WDR49: variants seen among roughly 807,000 people sequenced by gnomAD.
WDR49 encodes cilia- and flagella-associated protein 337.
Under a neutral mutation model 119.5 loss-of-function variants are expected in WDR49, and 107 were observed. The observed-to-expected ratio is 0.90, with a 90% CI of 0.77 to 1.05. The LOEUF is 1.05. Among genes scored for constraint, WDR49 ranks in the 50% least tolerant of loss-of-function variants. The pLI is 0.00. For missense variants in WDR49, 1,240 were observed against 1,220.5 expected (o/e 1.02, Z -0.24); for synonymous variants, 425 against 418.8 (o/e 1.01, Z -0.18).
At chr3:167,613,456 A>G (rs889522018) in intron 5 of WDR49, among the ~76,000 whole-genome samples, 1 of 152,210 alleles carries the variant, frequency 6.6e-6, no homozygotes, top group Non-Finnish European at 1.5e-5. Flanking sequence ...ACATAGTGAC[A>G]GAACTGGCAG....
chr3:167,485,160 A>G (rs1183500141), intron 18 of WDR49, among the ~76,000 whole-genome samples: 1 of 152,100 alleles, frequency 6.6e-6, no homozygotes, highest in Middle Eastern at 3.2e-3. Context: ...ACATGGACAC[A>G]GGGTGGAGAA....
intron 18 of WDR49, among the ~76,000 whole-genome samples, chr3:167,492,693 G>A (rs761009420): frequency 2.6e-5 from 4 of 152,048 alleles, no homozygotes; most frequent in Non-Finnish European, 4.4e-5. Context: ...ATGTTTACTC[G>A]AATTGCTTAA....
intron 10 of WDR49, among the ~76,000 whole-genome samples, chr3:167,553,390 A>T (rs1207561280): frequency 6.6e-6 from 1 of 152,066 alleles, no homozygotes; most frequent in Non-Finnish European, 1.5e-5. Flanking sequence ...TGTTCCTTTA[A>T]ACCACTTTTA....
At chr3:167,630,414 C>T (rs1385505703) in intron 2 of WDR49, among the ~76,000 whole-genome samples, 1 of 152,004 alleles carries the variant, frequency 6.6e-6, no homozygotes. Context: ...CTTTTATTTG[C>T]TCTAGGAAAC....
intron 8 of WDR49, among the ~76,000 whole-genome samples, chr3:167,561,595 G>A (rs903506491): frequency 6.6e-6 from 1 of 152,150 alleles, no homozygotes; most frequent in African/African-American, 2.4e-5. Flanking sequence ...TTGCTGGAGT[G>A]GGGGATTGGG....
chr3:167,479,404 C>A (rs1006162662), intron 18 of WDR49, among the ~76,000 whole-genome samples: 2 of 151,894 alleles, frequency 1.3e-5, no homozygotes, highest in Non-Finnish European at 2.9e-5. Flanking sequence ...AATAAACAAG[C>A]GCATCTATAA....
intron 5 of WDR49, among the ~76,000 whole-genome samples, chr3:167,606,185 T>C (rs1050314206): frequency 5.9e-5 from 9 of 152,316 alleles, no homozygotes; most frequent in African/African-American, 1.2e-4. Context: ...CTAGAGAGTA[T>C]GTTAATCCAT....
intron 2 of WDR49, among the ~76,000 whole-genome samples, chr3:167,648,495 C>T (rs565825974): frequency 1.3e-5 from 2 of 152,280 alleles, no homozygotes; most frequent in East Asian, 3.9e-4. Context: ...GCAGCTAAGA[C>T]AGAACACAAA....
chr3:167,531,093 A>G (rs769160004), intron 13 of WDR49, 22 bp downstream of exon 13: 55 of 1,596,994 alleles, frequency 3.4e-5, no homozygotes, highest in Non-Finnish European at 4.2e-5. Context: ...AACTATATGT[A>G]AAATGTAAAT....
At chr3:167,614,754 T>G (rs1426419733) in intron 5 of WDR49, among the ~76,000 whole-genome samples, 1 of 152,250 alleles carries the variant, frequency 6.6e-6, no homozygotes, top group South Asian at 2.1e-4. Context: ...TCAATAAAAA[T>G]TATTATCATA....
chr3:167,562,476 T>G (rs1480350110), intron 8 of WDR49, among the ~76,000 whole-genome samples: 1 of 152,238 alleles, frequency 6.6e-6, no homozygotes, highest in African/African-American at 2.4e-5. Flanking sequence ...GACAATTTCT[T>G]AAATGAAGTA....
chr3:167,481,732 G>A (rs1750724180), intron 18 of WDR49, among the ~76,000 whole-genome samples: 1 of 152,136 alleles, frequency 6.6e-6, no homozygotes, highest in Admixed American at 6.6e-5. Context: ...CAGCAAGAGA[G>A]AAATGAGGAA....
In WDR49 at chr3:167,525,861, C is replaced by CCAACA. The variant is rs138517499; in HGVS notation, c.2604+1958_2604+1959insTGTTG. On this transcript the variant is annotated intron_variant, in intron 15 of 18. Coordinates refer to ENST00000682715, the MANE Select transcript of WDR49 (RefSeq NM_001366157.1). ...TTTTGTTAAACAAACAAACAAACAACAAAAAAAAACTTCCCTTTTCTCCTC... is the reference window on the plus strand; with the variant it reads ...TTTTGTTAAACAAACAAACAAACAACCAACAAAAAAAAAACTTCCCTTTTCTCCTC... Among the ~76,000 whole-genome samples the CCAACA allele has an allele frequency of 3.3e-5, 5 of 150,144 alleles. No individual in the cohort carries two copies. The East Asian group carries it at 9.8e-4, about 29-fold the overall frequency.
intron 7 of WDR49, among the ~76,000 whole-genome samples, chr3:167,583,660 G>A (rs1714665994): frequency 6.6e-6 from 1 of 152,182 alleles, no homozygotes; most frequent in African/African-American, 2.4e-5. Context: ...ACACTGAACA[G>A]TAGACATAAA....
intron 16 of WDR49, among the ~76,000 whole-genome samples, chr3:167,518,906 A>T (rs1320389022): frequency 6.6e-6 from 1 of 151,494 alleles, no homozygotes; most frequent in Non-Finnish European, 1.5e-5. Context: ...CAGAGTCCAC[A>T]GGGAACTTAA....
intron 5 of WDR49, among the ~76,000 whole-genome samples, chr3:167,617,202 A>G (rs572474370): frequency 6.6e-6 from 1 of 152,158 alleles, no homozygotes; most frequent in East Asian, 1.9e-4. Context: ...AAAATAAAGG[A>G]CGTTTCAGGA....
chr3:167,656,527 C>A (rs757852097), upstream of WDR49, among the ~76,000 whole-genome samples: 18 of 152,166 alleles, frequency 1.2e-4, no homozygotes, highest in Non-Finnish European at 1.5e-4. Context: ...CTAAGACAGA[C>A]AAGATGCCTG....
At chr3:167,479,961 T>C (rs894589484) in intron 18 of WDR49, among the ~76,000 whole-genome samples, 2 of 151,942 alleles carry the variant, frequency 1.3e-5, no homozygotes, top group Admixed American at 6.6e-5. Flanking sequence ...CCGGGCACGG[T>C]GGCTCACGCC....
At chr3:167,632,194 A>G (rs1203174421) in intron 2 of WDR49, among the ~76,000 whole-genome samples, 1 of 152,068 alleles carries the variant, frequency 6.6e-6, no homozygotes, top group African/African-American at 2.4e-5. Context: ...GGATCTCTAT[A>G]TTTTCTTCCT....
Sources: gnomAD v4.1 joint callset for allele counts (sites outside exome capture counted in the v4.1 genomes callset) on GRCh38, gnomAD v4.1.1 for gene constraint, MANE v1.5 for transcripts, NCBI Gene and HGNC (gene_info 2026-07-23, HGNC 2026-07-21) for gene names.